The following ATP6V0A4 variants were observed in gnomAD, a reference collection of about 807,000 sequenced individuals.
ATP6V0A4 encodes V-type proton ATPase 116 kDa subunit a 4.
In ATP6V0A4, 86 loss-of-function variants were observed where a neutral mutation model predicts 107.3. The ratio of observed to expected loss-of-function variants is 0.80; its 90% CI spans 0.67 to 0.96. The LOEUF (loss-of-function observed/expected upper bound fraction) is 0.96, where lower values mean the gene tolerates loss of function less well. Ranked by LOEUF, ATP6V0A4 falls within the 40% of genes least tolerant of loss-of-function variation. The probability of loss-of-function intolerance (pLI) is 0.00; values close to 1 mark genes in which losing one functional copy is unlikely to be tolerated. For missense variants in ATP6V0A4, 908 were observed against 1,045.6 expected (o/e 0.87, Z 1.81); for synonymous variants, 353 against 381.4 (o/e 0.93, Z 0.87).
intron 5 of ATP6V0A4, among the ~76,000 whole-genome samples, chr7:138,763,627 C>CA (rs1478938098): frequency 2.0e-5 from 3 of 151,340 alleles, no homozygotes; most frequent in African/African-American, 7.3e-5. Context: ...GACTCCATTT[C>CA]AAAAAAATAA....
chr7:138,715,162 TCAAAAACTGGAAGACAC>T (rs1803969982), intron 20 of ATP6V0A4, among the ~76,000 whole-genome samples: 1 of 152,202 alleles, frequency 6.6e-6, no homozygotes, highest in African/African-American at 2.4e-5. Flanking sequence ...GACTCTGGCT[TCAAAAACTGGAAGACAC>T]CAAATTTGTG....
At chr7:138,741,356 G>A (rs1351080747) in intron 14 of ATP6V0A4, among the ~76,000 whole-genome samples, 6 of 152,158 alleles carry the variant, frequency 3.9e-5, no homozygotes, top group South Asian at 2.1e-4. Context: ...TTGCCCAGAC[G>A]TGACCCCCAT....
chr7:138,745,992 TA>T (rs1263905844), intron 13 of ATP6V0A4, among the ~76,000 whole-genome samples: 8 of 90,540 alleles, frequency 8.8e-5, no homozygotes, highest in African/African-American at 1.2e-4. Context: ...ATATATATTA[TA>T]AATATAAATA....
At chr7:138,790,619 C>T (rs951897160) in intron 1 of ATP6V0A4, among the ~76,000 whole-genome samples, 5 of 152,098 alleles carry the variant, frequency 3.3e-5, no homozygotes, top group African/African-American at 4.8e-5. Context: ...AATAGCTACC[C>T]TTTATTTCAT....
chr7:138,743,011 T>A (rs1326174231), intron 14 of ATP6V0A4, among the ~76,000 whole-genome samples: 2 of 152,006 alleles, frequency 1.3e-5, no homozygotes, highest in Non-Finnish European at 2.9e-5. Context: ...GGGAATCCCA[T>A]CTCTACTTCA....
intron 19 of ATP6V0A4, among the ~76,000 whole-genome samples, chr7:138,719,301 A>T (rs939036577): frequency 4.6e-5 from 7 of 152,186 alleles, no homozygotes; most frequent in African/African-American, 1.7e-4. Flanking sequence ...GGTCTTTGTT[A>T]TTCATGCTGG....
At chr7:138,722,571 C>G (rs1804474593) in intron 18 of ATP6V0A4, among the ~76,000 whole-genome samples, 1 of 148,870 alleles carries the variant, frequency 6.7e-6, no homozygotes, top group South Asian at 2.2e-4. Flanking sequence ...AGCCTGGCAC[C>G]CCGTCTCTAT....
chr7:138,788,711 A>C (rs953778450), intron 1 of ATP6V0A4, among the ~76,000 whole-genome samples: 2 of 152,176 alleles, frequency 1.3e-5, no homozygotes, highest in Admixed American at 6.6e-5. Context: ...GTGGGAGGTA[A>C]TTGAATCATG....
chr7:138,796,749 C>CCCCTATTTGAGTCTTGG (rs1554404255), intron 1 of ATP6V0A4, among the ~76,000 whole-genome samples: 104 of 151,976 alleles, frequency 6.8e-4, no homozygotes, highest in African/African-American at 2.4e-3. Flanking sequence ...TTGAGTCTTG[C>CCCCTATTTGAGTCTTGG]CAGGTTGCAT....
Position 138,756,446 on chromosome 7 carries a change from ACTCC to A in ATP6V0A4, c.722+8_722+11del. On this transcript the variant is annotated splice_region_variant and intron_variant, in intron 9 of 21. Transcript: ENST00000310018. ...CAAATCACTGAAGAAAGAGCCATTCACTCCCTCTTACCCATCACAGATCTTCTTG... is the reference window on the plus strand; with the variant it reads ...CAAATCACTGAAGAAAGAGCCATTCACTCTTACCCATCACAGATCTTCTTG... The A allele has an allele frequency of 6.2e-7, 1 of 1,612,896 alleles. No homozygotes were observed. The highest frequency in any genetic ancestry group is 8.5e-7 in the Non-Finnish European group (1 of 1,179,814).
chr7:138,757,867 T>C (rs1806588418), intron 8 of ATP6V0A4, among the ~76,000 whole-genome samples: 1 of 152,242 alleles, frequency 6.6e-6, no homozygotes, highest in Non-Finnish European at 1.5e-5. Context: ...TTAAAAATAC[T>C]ATCAAAATGA....
In ATP6V0A4 at chr7:138,731,721, C is replaced by T. The variant is rs369048575; in HGVS notation, c.1908+1156G>A. Among the ~76,000 whole-genome samples, 44 of 151,746 alleles carry T rather than the reference C, an allele frequency of 2.9e-4. No individual in the cohort carries two copies. The South Asian group carries it at 6.2e-3, about 22-fold the overall frequency. On this transcript the variant is annotated intron_variant, in intron 17 of 21. Transcript: ENST00000310018. ...CAGCCTGACCAACATGGTGAAACCC[C>T]GTCTCTACTAAAAATGCAAAAATTA...
rs1477183471 is a variant in ATP6V0A4 at position 138,762,884 on chromosome 7, A to C, written c.417+16T>G. 1.9e-6 allele frequency: 3 copies of C among 1,613,686 alleles called. No homozygotes were observed. In the African/African-American group the frequency reaches 4.0e-5, roughly 22 times the overall value. ...TGAGGAACGGGCCCTTTAGTAACTC[A>C]TCCCCACGTGACCACCTCAAAGAAG... On this transcript the variant is annotated intron_variant, in intron 6 of 21. Coordinates refer to ENST00000310018, the MANE Select transcript of ATP6V0A4 (RefSeq NM_020632.3).
chr7:138,739,433 C>A (rs1229721705), intron 15 of ATP6V0A4, 107 bp downstream of exon 15: 4 of 1,378,422 alleles, frequency 2.9e-6, no homozygotes, highest in Non-Finnish European at 4.0e-6. Flanking sequence ...TTTATCTCAA[C>A]ACAAGTTTGT....
Position 138,785,316 on chromosome 7 carries a change from C to A in ATP6V0A4, c.-18+842G>T, listed in dbSNP as rs1327089630. Among the ~76,000 whole-genome samples, 6 of 150,280 alleles carry A rather than the reference C, an allele frequency of 4.0e-5. No individual in the cohort carries two copies. In the East Asian group the frequency reaches 1.2e-3, roughly 29 times the overall value. ...TTTTGAGTGGAGTCTTGCTCTGTCG[C>A]CCAGTCTGGAGTGTAGTGTCGTGAT... On this transcript the variant is annotated intron_variant, in intron 2 of 21. Transcript: ENST00000310018.
At chr7:138,707,363 T>TTATA (rs1180068051) in intron 21 of ATP6V0A4, among the ~76,000 whole-genome samples, 3 of 100,100 alleles carry the variant, frequency 3.0e-5, no homozygotes, top group Non-Finnish European at 5.5e-5. Context: ...ATATATTATA[T>TTATA]TATATATATA....
intron 20 of ATP6V0A4, among the ~76,000 whole-genome samples, chr7:138,714,975 C>T (rs1216595217): frequency 6.6e-6 from 1 of 152,126 alleles, no homozygotes; most frequent in Non-Finnish European, 1.5e-5. Flanking sequence ...AAGAGGAAGG[C>T]AGGAGAGTCA....
At chr7:138,728,570 G>A (rs562719434) in intron 18 of ATP6V0A4, among the ~76,000 whole-genome samples, 191 bp downstream of exon 18, 12 of 152,176 alleles carry the variant, frequency 7.9e-5, no homozygotes, top group Admixed American at 3.9e-4. Flanking sequence ...AGAGCATCTC[G>A]TTGGAAATAA....
At chr7:138,797,531 C>T (rs1008585009) in intron 1 of ATP6V0A4, among the ~76,000 whole-genome samples, 7 of 151,810 alleles carry the variant, frequency 4.6e-5, no homozygotes, top group Non-Finnish European at 8.8e-5. Flanking sequence ...ATGCCATTTT[C>T]TTCTTGAAGC....
Sources: gnomAD v4.1 joint callset for allele counts (sites outside exome capture counted in the v4.1 genomes callset) on GRCh38, gnomAD v4.1.1 for gene constraint, MANE v1.5 for transcripts, NCBI Gene and HGNC (gene_info 2026-07-23, HGNC 2026-07-21) for gene names.